The following NT5DC1 variants were observed in gnomAD, a reference collection of about 807,000 sequenced individuals.
NT5DC1 encodes the protein 5'-nucleotidase domain-containing protein 1.
In NT5DC1, 42 loss-of-function variants were observed where a neutral mutation model predicts 59.4. The ratio of observed to expected loss-of-function variants is 0.71; its 90% CI spans 0.55 to 0.92. NT5DC1 has a LOEUF of 0.92. Ranked by LOEUF, NT5DC1 falls within the 40% of genes least tolerant of loss-of-function variation. The probability of loss-of-function intolerance (pLI) is 0.00; values close to 1 mark genes in which losing one functional copy is unlikely to be tolerated. For synonymous variants in NT5DC1, 172 were observed against 188.1 expected (o/e 0.91, Z 0.70); for missense variants, 501 against 537.1 (o/e 0.93, Z 0.66).
chr6:116,106,622 G>A (rs142695516), intron 2 of NT5DC1, among the ~76,000 whole-genome samples: 263 of 152,326 alleles, frequency 1.7e-3, no homozygotes, highest in Non-Finnish European at 3.0e-3. Context: ...AATAGTTTCA[G>A]AGGTTAGTAA....
intron 6 of NT5DC1, among the ~76,000 whole-genome samples, chr6:116,203,044 C>T (rs1190721355): frequency 1.3e-5 from 2 of 151,774 alleles, no homozygotes; most frequent in Non-Finnish European, 2.9e-5. Context: ...AATTTTTTCC[C>T]ACAGATTATG....
At position 116,100,939 on chromosome 6, in the gene NT5DC1, G is replaced by A. The variant is rs145054260; in HGVS notation, c.9G>A (p.Gln3=). 2.5e-6 allele frequency: 4 copies of A among 1,603,046 alleles called. No individual in the cohort carries two copies. Among genetic ancestry groups the A allele is most frequent in the East Asian group, 2.3e-5 (1 of 43,542 alleles). The part of the protein sequence containing the change: MA[Q]HFSLAACDVV... ...GTGCTCCCCGCGCAGCCATGGCTCA[G>A]CACTTCTCCCTGGCCGCCTGCGACG... The change falls in exon 1 of 12, where the codon CAG becomes CAA. Residue 3 remains glutamine (Q), a synonymous_variant. Coordinates refer to ENST00000319550, the MANE Select transcript of NT5DC1 (RefSeq NM_152729.3).
At position 116,135,730 on chromosome 6, in the gene NT5DC1, A is replaced by G. The variant is rs13196094; in HGVS notation, c.529+17785A>G. Among the ~76,000 whole-genome samples the G allele has an allele frequency of 7.1e-3, 1,066 of 150,874 alleles. 7 individuals carry two copies. The highest frequency in any genetic ancestry group is 0.012 in the Admixed American group (185 of 15,106). On this transcript the variant is annotated intron_variant, in intron 6 of 11. Coordinates refer to ENST00000319550, the MANE Select transcript of NT5DC1 (RefSeq NM_152729.3). ...TGGATCAACATACCCATCCCTGGTC[A>G]TAGTTTCACAAATACTCAGCTTAAA...
intron 6 of NT5DC1, among the ~76,000 whole-genome samples, chr6:116,134,439 A>G (rs1482282756): frequency 1.3e-5 from 2 of 152,182 alleles, no homozygotes; most frequent in Non-Finnish European, 2.9e-5. Flanking sequence ...TTCAAGGACT[A>G]TGGGTTATTT....
intron 6 of NT5DC1, among the ~76,000 whole-genome samples, chr6:116,172,687 T>C (rs1234020347): frequency 6.6e-6 from 1 of 152,186 alleles, no homozygotes; most frequent in African/African-American, 2.4e-5. Context: ...AGATAACATA[T>C]ATTATTTAAT....
chr6:116,223,385 C>T (rs756842295), intron 8 of NT5DC1, among the ~76,000 whole-genome samples: 13 of 152,166 alleles, frequency 8.5e-5, no homozygotes, highest in Admixed American at 6.5e-4. Flanking sequence ...ATAAATGCCT[C>T]GATAAATATT....
intron 7 of NT5DC1, among the ~76,000 whole-genome samples, chr6:116,222,216 G>A (rs894954855): frequency 6.6e-6 from 1 of 152,132 alleles, no homozygotes; most frequent in Non-Finnish European, 1.5e-5. Flanking sequence ...CTAAAGTCCT[G>A]GATGTCTTAG....
intron 6 of NT5DC1, among the ~76,000 whole-genome samples, chr6:116,199,620 A>G (rs1189912008): frequency 2.0e-5 from 3 of 152,092 alleles, no homozygotes; most frequent in African/African-American, 7.2e-5. Flanking sequence ...GGCAGGAAAT[A>G]TACAAGATGA....
intron 2 of NT5DC1, among the ~76,000 whole-genome samples, chr6:116,107,636 G>T (rs1281309774): frequency 6.6e-6 from 1 of 151,054 alleles, no homozygotes; most frequent in Non-Finnish European, 1.5e-5. Context: ...GCAGTGGCGC[G>T]ATCTCGGCTC....
chr6:116,219,050 G>A (rs1781741789), intron 6 of NT5DC1, among the ~76,000 whole-genome samples: 1 of 152,144 alleles, frequency 6.6e-6, no homozygotes, highest in African/African-American at 2.4e-5. Context: ...AGCACTTTCA[G>A]AGGCCCGAGG....
At chr6:116,139,081 ATTC>A (rs1043204735) in intron 6 of NT5DC1, among the ~76,000 whole-genome samples, 5 of 152,304 alleles carry the variant, frequency 3.3e-5, no homozygotes, top group African/African-American at 1.2e-4. Context: ...AAAAAGATGT[ATTC>A]TTATGATTTA....
chr6:116,155,121 AG>A (rs1780153873), intron 6 of NT5DC1, among the ~76,000 whole-genome samples: 1 of 152,156 alleles, frequency 6.6e-6, no homozygotes, highest in Non-Finnish European at 1.5e-5. Flanking sequence ...TCAATGGCAA[AG>A]TATGTGGTTG....
rs75196681 is a variant in NT5DC1 at position 116,242,494 on chromosome 6, A to G, written c.1253-1415A>G. The stretch of plus-strand genomic sequence containing the variant: ...TGCTAACAGTAACCAAAAAAAAAAA[A>G]AGAGAGAGAGAGAGTGGCTGCATTA... On this transcript the variant is annotated intron_variant, in intron 11 of 11. Coordinates refer to ENST00000319550, the MANE Select transcript of NT5DC1 (RefSeq NM_152729.3). Among the ~76,000 whole-genome samples the G allele has an allele frequency of 4.8e-4, 71 of 147,772 alleles. 1 individual carries two copies. Among genetic ancestry groups the G allele is most frequent in the African/African-American group, 1.6e-3 (64 of 41,098 alleles).
chr6:116,159,087 C>T (rs1474897994), intron 6 of NT5DC1, among the ~76,000 whole-genome samples: 1 of 152,144 alleles, frequency 6.6e-6, no homozygotes, highest in Non-Finnish European at 1.5e-5. Context: ...TTCCTGTCTA[C>T]TTACTAACTA....
At chr6:116,188,706 CTT>C (rs35593541) in intron 6 of NT5DC1, among the ~76,000 whole-genome samples, 3 of 146,220 alleles carry the variant, frequency 2.1e-5, no homozygotes, top group Non-Finnish European at 1.5e-5. Context: ...AAATTTTCTA[CTT>C]TTTTTTTTTT....
At chr6:116,170,669 A>G (rs186911980) in intron 6 of NT5DC1, among the ~76,000 whole-genome samples, 2 of 152,364 alleles carry the variant, frequency 1.3e-5, no homozygotes, top group African/African-American at 4.8e-5. Context: ...GTTTCTTAGC[A>G]TAGCATACAT....
chr6:116,120,530 C>T (rs2114280363), intron 6 of NT5DC1: 2 of 1,614,002 alleles, frequency 1.2e-6, no homozygotes, highest in African/African-American at 1.3e-5. Flanking sequence ...GGGCCTTTGG[C>T]CTGCCTTTAT....
intron 6 of NT5DC1, among the ~76,000 whole-genome samples, chr6:116,124,885 T>C (rs1562127055): frequency 1.3e-5 from 2 of 152,222 alleles, no homozygotes; most frequent in Non-Finnish European, 2.9e-5. Flanking sequence ...TTGATAAGAC[T>C]CGGTTTTATA....
At chr6:116,221,789 T>C (rs1256751912) in intron 7 of NT5DC1, among the ~76,000 whole-genome samples, 2 of 152,178 alleles carry the variant, frequency 1.3e-5, no homozygotes, top group African/African-American at 4.8e-5. Context: ...TAAGCTTCAA[T>C]TTTGCCGTCA....
Sources: gnomAD v4.1 joint callset for allele counts (sites outside exome capture counted in the v4.1 genomes callset) on GRCh38, gnomAD v4.1.1 for gene constraint, MANE v1.5 for transcripts, NCBI Gene and HGNC (gene_info 2026-07-23, HGNC 2026-07-21) for gene names.